SP140: variants seen among roughly 807,000 people sequenced by gnomAD.
The protein encoded by SP140 is nuclear body protein SP140.
In SP140, 81 loss-of-function variants were observed where a neutral mutation model predicts 125.0. The ratio of observed to expected loss-of-function variants is 0.65; its 90% CI spans 0.54 to 0.78. The LOEUF (loss-of-function observed/expected upper bound fraction) is 0.78. Ranked by LOEUF, SP140 falls within the 30% of genes least tolerant of loss-of-function variation. The pLI is 0.00. For synonymous variants in SP140, 312 were observed against 354.0 expected, an observed-to-expected ratio of 0.88 and a Z score of 1.33; for missense variants, 858 against 1,037.0, an observed-to-expected ratio of 0.83 and a Z score of 2.37.
At chr2:230,226,415 G>A (rs1179713889) in intron 1 of SP140, among the ~76,000 whole-genome samples, 3 of 152,196 alleles carry the variant, frequency 2.0e-5, no homozygotes, top group Non-Finnish European at 4.4e-5. Flanking sequence ...TTGGTAGGAG[G>A]AAGTGAAAGC....
At chr2:230,249,882 G>A (rs964217976) in intron 9 of SP140, among the ~76,000 whole-genome samples, 1 of 152,128 alleles carries the variant, frequency 6.6e-6, no homozygotes, top group African/African-American at 2.4e-5. Flanking sequence ...GGTAGACAGT[G>A]GCACAGAAGC....
rs76748026 is a variant in SP140 at position 230,235,242 on chromosome 2, C to G, written c.60-1841C>G. 6.6e-3 allele frequency among the ~76,000 whole-genome samples: 1,000 copies of G among 152,298 alleles called. 11 individuals carry two copies. Among genetic ancestry groups the G allele is most frequent in the African/African-American group, 0.023 (945 of 41,552 alleles). On this transcript the variant is annotated intron_variant, in intron 1 of 26. Transcript: ENST00000392045. Reference sequence around the variant, plus strand: ...ATCTCCTTCTCAACCACCACTGCATCTCTGGGAGGCTGCAGGACACGCTGG... The same window carrying G: ...ATCTCCTTCTCAACCACCACTGCATGTCTGGGAGGCTGCAGGACACGCTGG...
chr2:230,210,890 G>C (rs553910543), intron 1 of SP140, among the ~76,000 whole-genome samples: 1 of 152,204 alleles, frequency 6.6e-6, no homozygotes, highest in Non-Finnish European at 1.5e-5. Flanking sequence ...AAGTGATATA[G>C]AAATGACCAG....
intron 11 of SP140, among the ~76,000 whole-genome samples, chr2:230,254,603 G>A (rs2050863096): frequency 6.6e-6 from 1 of 152,146 alleles, no homozygotes; most frequent in Non-Finnish European, 1.5e-5. Context: ...TTTCTCCAGG[G>A]TTTGCTGTCT....
At chr2:230,198,412 C>T (rs746350786), upstream of SP140, among the ~76,000 whole-genome samples, 1 of 152,128 alleles carries the variant, frequency 6.6e-6, no homozygotes, top group African/African-American at 2.4e-5. Flanking sequence ...AGTCATAATG[C>T]CCACCATAAA....
At chr2:230,221,991 G>A (rs1243226999), upstream of SP140, among the ~76,000 whole-genome samples, 1 of 152,234 alleles carries the variant, frequency 6.6e-6, no homozygotes, top group African/African-American at 2.4e-5. Flanking sequence ...ACTTTGGGAG[G>A]CTGAGGCAGG....
chr2:230,253,273 T>G (rs1011256858), intron 10 of SP140, 43 bp from the exon 11 acceptor site: 2 of 1,380,868 alleles, frequency 1.4e-6, no homozygotes, highest in South Asian at 1.2e-5. Flanking sequence ...ATGGCGTGAA[T>G]GCACTGAGGT....
At chr2:230,280,503 C>T (rs949708796) in intron 15 of SP140, among the ~76,000 whole-genome samples, 6 of 152,052 alleles carry the variant, frequency 3.9e-5, no homozygotes, top group Non-Finnish European at 8.8e-5. Flanking sequence ...CAGATGTATA[C>T]GGACCTATAT....
At chr2:230,199,450 T>C (rs113537847), upstream of SP140, among the ~76,000 whole-genome samples, 22,832 of 151,708 alleles carry the variant, frequency 0.15, 2,116 homozygotes, top group South Asian at 0.27. Context: ...CTCAAGTGAT[T>C]CACCTACCTC....
chr2:230,214,037 C>G (rs1219241777), exon 3 of SP140: 1 of 152,252 alleles, frequency 6.6e-6, no homozygotes, highest in African/African-American at 2.4e-5. Flanking sequence ...ATGAAAATAT[C>G]CAATGTGAGC....
intron 12 of SP140, among the ~76,000 whole-genome samples, chr2:230,263,344 G>T (rs758676712): frequency 1.3e-5 from 2 of 152,040 alleles, no homozygotes; most frequent in Admixed American, 1.3e-4. Flanking sequence ...TTAAGTTTAT[G>T]CGAGTCCTTA....
chr2:230,273,428 A>T (rs559612650), intron 15 of SP140, among the ~76,000 whole-genome samples: 2 of 152,346 alleles, frequency 1.3e-5, no homozygotes, highest in African/African-American at 4.8e-5. Context: ...GACTATTATT[A>T]AAAGGTCTAA....
chr2:230,230,875 C>T (rs920720051), intron 1 of SP140, among the ~76,000 whole-genome samples: 16 of 152,188 alleles, frequency 1.1e-4, no homozygotes, highest in African/African-American at 3.4e-4. Context: ...TCTCGTATTC[C>T]AATTACATAT....
At chr2:230,254,228 C>T (rs149114870) in intron 11 of SP140, among the ~76,000 whole-genome samples, 83 of 152,166 alleles carry the variant, frequency 5.5e-4, no homozygotes, top group African/African-American at 2.0e-3. Flanking sequence ...CAAACTATGT[C>T]GGAGGAAAGG....
Position 230,269,892 on chromosome 2 carries a change from A to C in SP140, c.1383A>C (p.Ser461=). The C allele has an allele frequency of 6.2e-7, 1 of 1,614,088 alleles. No homozygotes were observed. Among genetic ancestry groups the C allele is most frequent in the Non-Finnish European group, 8.5e-7 (1 of 1,179,970 alleles). Residue 461 remains serine (S), a synonymous_variant, in exon 14 of 27, where the codon TCA becomes TCC. Transcript: ENST00000392045. ...NEKCSCVMCF[S]EEVPGSPEAR... ...AGTGTTCCTGTGTCATGTGTTTCTC[A>C]GAAGAGGTGCCAGGAAGCCCAGAAG...
chr2:230,314,036 A>C (rs1052471022), downstream of SP140, among the ~76,000 whole-genome samples: 34 of 152,206 alleles, frequency 2.2e-4, no homozygotes, highest in Non-Finnish European at 4.6e-4. Flanking sequence ...ACAGCAAGGA[A>C]TGCCTATTAC....
At chr2:230,256,343 A>G (rs1419942940) in intron 12 of SP140, among the ~76,000 whole-genome samples, 5 of 151,920 alleles carry the variant, frequency 3.3e-5, no homozygotes, top group Admixed American at 6.5e-5. Flanking sequence ...CTATGCAGCC[A>G]TAAAAAATGA....
intron 3 of SP140, chr2:230,214,985 G>C: frequency 6.2e-7 from 1 of 1,613,922 alleles, no homozygotes; most frequent in Non-Finnish European, 8.5e-7. Context: ...CACCAGATTG[G>C]GATATTCACG....
intron 21 of SP140, among the ~76,000 whole-genome samples, chr2:230,295,642 T>C (rs747865335): frequency 6.6e-6 from 1 of 152,206 alleles, no homozygotes; most frequent in Non-Finnish European, 1.5e-5. Flanking sequence ...CCATGGGTCC[T>C]CTGTGCCTCT....
Sources: gnomAD v4.1 joint callset for allele counts (sites outside exome capture counted in the v4.1 genomes callset) on GRCh38, gnomAD v4.1.1 for gene constraint, MANE v1.5 for transcripts, NCBI Gene and HGNC (gene_info 2026-07-23, HGNC 2026-07-21) for gene names.